The following GYG1 variants were observed in gnomAD, a reference collection of about 807,000 sequenced individuals.
The protein encoded by GYG1 is glycogenin 1.
In GYG1, 44 loss-of-function variants were observed where a neutral mutation model predicts 41.9. The observed-to-expected ratio is 1.05, with a 90% confidence interval of 0.83 to 1.35. The LOEUF is 1.35. Among genes scored for constraint, GYG1 ranks in the 40% most tolerant of loss-of-function variants. GYG1 has a pLI of 0.00. For missense variants in GYG1, 429 were observed against 418.9 expected, an observed-to-expected ratio of 1.02 and a Z score of -0.21; for synonymous variants, 141 against 158.1, an observed-to-expected ratio of 0.89 and a Z score of 0.81.
At chr3:148,991,697 C>T (rs1334122372) in intron 1 of GYG1, 50 bp downstream of exon 1, 1 of 1,393,666 alleles carries the variant, frequency 7.2e-7, no homozygotes, top group Admixed American at 2.0e-5. Context: ...CGGCTTCCTG[C>T]CCAGCCGCCG....
At chr3:149,016,304 G>T in intron 5 of GYG1, among the ~76,000 whole-genome samples, 1 of 151,318 alleles carries the variant, frequency 6.6e-6, no homozygotes, top group Non-Finnish European at 1.5e-5. Context: ...AAAGAGCCAG[G>T]ACAGTTTATC....
chr3:149,016,654 G>C lies in GYG1; in HGVS notation c.608+7252G>C, dbSNP rs189954773. ...TGGGTGTCTGGTCAGTTGTTTGCTG[G>C]GGGTAGCAGCTATCTTCTAGTGATG... is the stretch of plus-strand genomic sequence containing the variant. On this transcript the variant is annotated intron_variant, in intron 5 of 7. Transcript: ENST00000345003. Among the ~76,000 whole-genome samples the C allele has an allele frequency of 2.1e-5, 3 of 144,322 alleles. No homozygotes were observed. The East Asian group carries it at 5.8e-4, about 28-fold the overall frequency. 94.7% of individuals were successfully genotyped at this position (144,322 alleles called of 152,430 possible).
chr3:149,020,068 C>T (rs963507798), intron 5 of GYG1, among the ~76,000 whole-genome samples: 3 of 151,996 alleles, frequency 2.0e-5, no homozygotes, highest in African/African-American at 7.3e-5. Context: ...ATGTCCAGCA[C>T]AGTCTACTTG....
At position 149,026,515 on chromosome 3, in the gene GYG1, T is replaced by TA. The variant is rs1225085475; in HGVS notation, c.879+16dup. The TA allele has an allele frequency of 2.6e-6, 4 of 1,552,688 alleles. No individual in the cohort carries two copies. Among genetic ancestry groups the TA allele is most frequent in the East Asian group, 2.2e-5 (1 of 44,582 alleles). On this transcript the variant is annotated intron_variant, in intron 7 of 7. Coordinates refer to ENST00000345003, the MANE Select transcript of GYG1 (RefSeq NM_004130.4). Reference sequence around the variant, plus strand: ...CTTCTGTAGAAAGGTATGCAGAACTTAAAGATTAACCCTAATTACTTTGTT... The same window carrying TA: ...CTTCTGTAGAAAGGTATGCAGAACTTAAAAGATTAACCCTAATTACTTTGTT...
Position 148,991,577 on chromosome 3 carries a change from G to A in GYG1, c.-64G>A. On this transcript the variant is annotated 5_prime_UTR_variant, in exon 1 of 8. Transcript: ENST00000345003. ...CTCCTCGCTGGCCGCGCTCCCTCCCGGTGCCGGCTTCTCTGAGTCACCAAC... is the reference window on the plus strand; with the variant it reads ...CTCCTCGCTGGCCGCGCTCCCTCCCAGTGCCGGCTTCTCTGAGTCACCAAC... The A allele has an allele frequency of 3.2e-6, 5 of 1,539,080 alleles. No individual in the cohort carries two copies. The highest frequency in any genetic ancestry group is 2.0e-4 in the Middle Eastern group (1 of 4,950).
Position 148,996,924 on chromosome 3 carries a change from A to G in GYG1, c.481+20A>G. Reference sequence around the variant, plus strand: ...TTGATGGTATGTATTTGCTATCTTCATGTCTGATAAGCTGTTAATAGTAAT... The same window carrying G: ...TTGATGGTATGTATTTGCTATCTTCGTGTCTGATAAGCTGTTAATAGTAAT... On this transcript the variant is annotated intron_variant, in intron 4 of 7. Coordinates refer to ENST00000345003, the MANE Select transcript of GYG1 (RefSeq NM_004130.4). The G allele has an allele frequency of 2.5e-6, 4 of 1,583,316 alleles. No homozygotes were observed. The highest frequency in any genetic ancestry group is 3.5e-6 in the Non-Finnish European group (4 of 1,152,214).
At chr3:149,023,821 C>CA (rs1196659922) in intron 5 of GYG1, among the ~76,000 whole-genome samples, 1 of 151,898 alleles carries the variant, frequency 6.6e-6, no homozygotes, top group African/African-American at 2.4e-5. Context: ...CCTGGCTCTA[C>CA]AAAAAAATAT....
At chr3:149,008,002 T>C (rs375168490) in intron 4 of GYG1, 3 of 152,374 alleles carry the variant, frequency 2.0e-5, no homozygotes, top group East Asian at 1.9e-4. Flanking sequence ...GAGGAAGATA[T>C]GAAGTCCAGG....
At chr3:149,000,014 C>CTGTAA (rs1713005688) in intron 4 of GYG1, among the ~76,000 whole-genome samples, 1 of 152,208 alleles carries the variant, frequency 6.6e-6, no homozygotes, top group African/African-American at 2.4e-5. Context: ...GCCACACAGG[C>CTGTAA]TGTTGATGGC....
chr3:149,016,986 T>C (rs1243168886), intron 5 of GYG1, among the ~76,000 whole-genome samples: 1 of 152,202 alleles, frequency 6.6e-6, no homozygotes, highest in African/African-American at 2.4e-5. Flanking sequence ...GCACAAGCAG[T>C]GCCGTCTTTC....
At chr3:149,023,048 A>G (rs1714455315) in intron 5 of GYG1, among the ~76,000 whole-genome samples, 1 of 152,202 alleles carries the variant, frequency 6.6e-6, no homozygotes, top group Non-Finnish European at 1.5e-5. Context: ...TGGGTTGGCT[A>G]GGACAGCTCT....
At chr3:149,015,606 T>C (rs1026754295) in intron 5 of GYG1, among the ~76,000 whole-genome samples, 1 of 152,066 alleles carries the variant, frequency 6.6e-6, no homozygotes, top group Non-Finnish European at 1.5e-5. Flanking sequence ...TGGCACTGGA[T>C]GTGGAATGTG....
chr3:149,026,313 T>G (rs1202641390), intron 6 of GYG1, 139 bp from the exon 7 acceptor site: 1 of 747,462 alleles, frequency 1.3e-6, no homozygotes, highest in African/African-American at 1.7e-5. Flanking sequence ...TCTAGTTAGA[T>G]TCTTTCTGAA....
Position 148,991,553 on chromosome 3 carries a change from T to G in GYG1, c.-88T>G, listed in dbSNP as rs1362215639. On this transcript the variant is annotated 5_prime_UTR_variant, in exon 1 of 8. Coordinates refer to ENST00000345003, the MANE Select transcript of GYG1 (RefSeq NM_004130.4). ...CAGACGCTCGGTTCCCCGCCGTGCC[T>G]CCTCGCTGGCCGCGCTCCCTCCCGG... The G allele has an allele frequency of 6.6e-7, 1 of 1,516,492 alleles. No individual in the cohort carries two copies. The highest frequency in any genetic ancestry group is 1.4e-5 in the African/African-American group (1 of 71,678). 93.9% of individuals were successfully genotyped at this position (1,516,492 alleles called of 1,614,324 possible).
intron 5 of GYG1, among the ~76,000 whole-genome samples, chr3:149,017,590 T>G (rs1483698471): frequency 2.2e-5 from 2 of 90,310 alleles, no homozygotes; most frequent in East Asian, 5.4e-4. Context: ...AGGTTTTTTT[T>G]TTTTTTTTTT....
intron 5 of GYG1, among the ~76,000 whole-genome samples, chr3:149,014,114 G>A (rs1713888205): frequency 6.6e-6 from 1 of 151,990 alleles, no homozygotes; most frequent in Admixed American, 6.6e-5. Context: ...CATGGTTTGA[G>A]TGTTAAGAAG....
chr3:149,011,402 CA>C (rs1272973053), intron 5 of GYG1, among the ~76,000 whole-genome samples: 3 of 152,156 alleles, frequency 2.0e-5, no homozygotes, highest in Non-Finnish European at 4.4e-5. Flanking sequence ...GTTTAGCAAG[CA>C]AAAAGTTGAC....
intron 5 of GYG1, among the ~76,000 whole-genome samples, chr3:149,019,047 T>G (rs1312121366): frequency 1.5e-5 from 2 of 135,940 alleles, no homozygotes; most frequent in African/African-American, 5.6e-5. Flanking sequence ...CCAGCCTGAG[T>G]GAGAGAGTGA....
chr3:148,996,272 AGT>A (rs758350966), intron 2 of GYG1, 28 bp from the exon 3 acceptor site: 1 of 1,530,674 alleles, frequency 6.5e-7, no homozygotes, highest in East Asian at 2.2e-5. Flanking sequence ...AAAGATGCTA[AGT>A]GTGGTATTCT....
Sources: gnomAD v4.1 joint callset for allele counts (sites outside exome capture counted in the v4.1 genomes callset) on GRCh38, gnomAD v4.1.1 for gene constraint, MANE v1.5 for transcripts, NCBI Gene and HGNC (gene_info 2026-07-23, HGNC 2026-07-21) for gene names.